Variants in MACF1 observed in about 807,000 individuals in gnomAD.
MACF1 encodes microtubule actin crosslinking factor 1.
Under a neutral mutation model 854.8 loss-of-function variants are expected in MACF1, and 193 were observed. The ratio of observed to expected loss-of-function variants is 0.23; its 90% CI spans 0.20 to 0.25. The LOEUF is 0.25. MACF1 is among the 10% of genes least tolerant of loss of function. MACF1 has a pLI of 1.00. For synonymous variants in MACF1, 3,185 were observed against 3,226.7 expected, an observed-to-expected ratio of 0.99 and a Z score of 0.44; for missense variants, 7,722 against 8,929.1, an observed-to-expected ratio of 0.86 and a Z score of 5.45.
chr1:39,289,101 A>G (rs1645714182), intron 15 of MACF1, among the ~76,000 whole-genome samples: 1 of 152,188 alleles, frequency 6.6e-6, no homozygotes, highest in East Asian at 1.9e-4. Flanking sequence ...ATAGTACTCC[A>G]TTGTGTTTAA....
Position 39,447,423 on chromosome 1 carries a change from G to C in MACF1, c.19606-9G>C. ...CTTTCTGTGTGTGTGTGTTTTACTT[G>C]AAATTCAGTCAAAGCTGGAAGAGGC... is the stretch of plus-strand genomic sequence containing the variant. On this transcript the variant is annotated splice_polypyrimidine_tract_variant and intron_variant, in intron 80 of 100. Coordinates refer to ENST00000564288, the MANE Select transcript of MACF1 (RefSeq NM_001394062.1). 1 of 1,613,298 alleles carries C rather than the reference G, an allele frequency of 6.2e-7. No homozygotes were observed. Among genetic ancestry groups the C allele is most frequent in the South Asian group, 1.1e-5 (1 of 91,000 alleles).
chr1:39,421,947 C>T (rs577500427), intron 58 of MACF1, among the ~76,000 whole-genome samples: 7 of 152,076 alleles, frequency 4.6e-5, no homozygotes, highest in Admixed American at 2.0e-4. Flanking sequence ...TGGTGGCGGG[C>T]GTCTGTAGTC....
intron 2 of MACF1, among the ~76,000 whole-genome samples, chr1:39,195,344 C>T (rs1228287442): frequency 3.3e-5 from 5 of 152,088 alleles, no homozygotes; most frequent in African/African-American, 1.2e-4. Flanking sequence ...TGCACCCGCC[C>T]CCATTCTTGC....
intron 6 of MACF1, among the ~76,000 whole-genome samples, chr1:39,263,306 A>C (rs1645186745): frequency 6.6e-6 from 1 of 152,190 alleles, no homozygotes; most frequent in Non-Finnish European, 1.5e-5. Flanking sequence ...GTGACTGCTG[A>C]TGAGGCTGGT....
intron 2 of MACF1, 73 bp downstream of exon 2, chr1:39,231,316 C>T (rs747875145): frequency 2.4e-5 from 33 of 1,391,968 alleles, no homozygotes; most frequent in Non-Finnish European, 3.1e-5. Context: ...TTCCTTCTTT[C>T]AGATGGTTTA....
At position 39,337,099 on chromosome 1, in the gene MACF1, G is replaced by A. The variant is rs1034829537; in HGVS notation, c.10066-83G>A. ...TGTGCAGTAAAAATTGCTTCTATTT[G>A]TCTAACAAAAACCCCTGCCTGCTTT... On this transcript the variant is annotated intron_variant, in intron 37 of 100. Coordinates refer to ENST00000564288, the MANE Select transcript of MACF1 (RefSeq NM_001394062.1). 83 of 1,380,930 alleles carry A rather than the reference G, an allele frequency of 6.0e-5. No individual in the cohort carries two copies. The Admixed American group carries it at 1.8e-3, about 30-fold the overall frequency. 85.5% of individuals were successfully genotyped at this position (1,380,930 alleles called of 1,614,324 possible).
chr1:39,469,136 C>G (rs1644727027), intron 96 of MACF1, among the ~76,000 whole-genome samples: 1 of 152,158 alleles, frequency 6.6e-6, no homozygotes, highest in Non-Finnish European at 1.5e-5. Flanking sequence ...CCTTCTCATA[C>G]AGGGAAGAAC....
chr1:39,135,964 G>A (rs954025713), intron 2 of MACF1, among the ~76,000 whole-genome samples: 1 of 152,138 alleles, frequency 6.6e-6, no homozygotes, highest in Admixed American at 6.5e-5. Context: ...TACAGCGAAC[G>A]GCCAACTGTG....
At chr1:39,416,529 T>C (rs1164580616) in intron 58 of MACF1, among the ~76,000 whole-genome samples, 1 of 151,736 alleles carries the variant, frequency 6.6e-6, no homozygotes, top group Non-Finnish European at 1.5e-5. Flanking sequence ...AGTATAAAGC[T>C]TATATAGCAG....
intron 26 of MACF1, among the ~76,000 whole-genome samples, chr1:39,311,667 T>C (rs562412153): frequency 1.3e-5 from 2 of 152,246 alleles, no homozygotes; most frequent in Non-Finnish European, 2.9e-5. Flanking sequence ...TTTTGGCTTA[T>C]AGTGTAGTGA....
Position 39,144,545 on chromosome 1 carries a change from A to G in MACF1, c.220+60107A>G, listed in dbSNP as rs553340988. ...GCTTAGAGGAGAACTTCACCCTGCC[A>G]CTCTCTCATTGGAATTCCCTTCTAA... On this transcript the variant is annotated intron_variant, in intron 2 of 93. Coordinates refer to the MACF1 transcript ENST00000361689. Among the ~76,000 whole-genome samples, 4 of 152,086 alleles carry G rather than the reference A, an allele frequency of 2.6e-5. No individual in the cohort carries two copies. In the South Asian group the frequency reaches 8.3e-4, roughly 32 times the overall value.
chr1:39,347,579 G>A (rs949846181), intron 41 of MACF1, among the ~76,000 whole-genome samples: 6 of 151,950 alleles, frequency 3.9e-5, no homozygotes, highest in Non-Finnish European at 1.5e-5. Flanking sequence ...TTGAGGGCTC[G>A]TAAGAACATC....
intron 2 of MACF1, among the ~76,000 whole-genome samples, chr1:39,123,391 G>A (rs7520721): frequency 0.9 from 136,483 of 151,164 alleles, 62,379 homozygotes; most frequent in East Asian, 0.99. Flanking sequence ...TATTTTTAGT[G>A]GAGATGGGGT....
At chr1:39,091,540 G>C (rs192733789) in intron 2 of MACF1, among the ~76,000 whole-genome samples, 3 of 152,074 alleles carry the variant, frequency 2.0e-5, no homozygotes, top group African/African-American at 4.8e-5. Flanking sequence ...TCTGTCACCA[G>C]GCTGGAGTGC....
intron 2 of MACF1, among the ~76,000 whole-genome samples, chr1:39,134,918 T>C (rs1281623618): frequency 6.6e-6 from 1 of 152,140 alleles, no homozygotes; most frequent in Non-Finnish European, 1.5e-5. Flanking sequence ...AAACTAAAAT[T>C]CCAAACCCAT....
intron 58 of MACF1, chr1:39,412,896 C>G (rs1643086581): frequency 6.2e-7 from 1 of 1,609,324 alleles, no homozygotes; most frequent in East Asian, 2.2e-5. Flanking sequence ...CTTTAGTGCC[C>G]TTTCCACATG....
intron 2 of MACF1, among the ~76,000 whole-genome samples, chr1:39,189,908 A>G (rs578117344): frequency 6.6e-6 from 1 of 152,350 alleles, no homozygotes; most frequent in East Asian, 1.9e-4. Flanking sequence ...AACAATCAAC[A>G]TAGTACCTAG....
chr1:39,478,171 T>G (rs1321762224), intron 97 of MACF1, among the ~76,000 whole-genome samples: 1 of 152,124 alleles, frequency 6.6e-6, no homozygotes, highest in Non-Finnish European at 1.5e-5. Context: ...CCCAGCTAAA[T>G]TTTTTATTTT....
chr1:39,233,523 G>C (rs913944184), intron 2 of MACF1, among the ~76,000 whole-genome samples: 2 of 152,140 alleles, frequency 1.3e-5, no homozygotes, highest in Non-Finnish European at 2.9e-5. Context: ...GATGGGCTTA[G>C]GTCTTCTTTT....
Sources: allele counts gnomAD v4.1 joint callset (sites outside exome capture counted in the v4.1 genomes callset), GRCh38; gene constraint gnomAD v4.1.1; transcripts MANE v1.5; gene names NCBI Gene and HGNC (gene_info 2026-07-23, HGNC 2026-07-21).